Variants in BICD1 observed in about 807,000 individuals in gnomAD.
BICD1 encodes BICD cargo adaptor 1, also known as protein bicaudal D homolog 1.
BICD1 carries 35 observed loss-of-function variants against 92.5 expected under a neutral mutation model. The ratio of observed to expected loss-of-function variants is 0.38; its 90% CI spans 0.29 to 0.50. BICD1 has a LOEUF of 0.50. Ranked by LOEUF, BICD1 falls within the 20% of genes least tolerant of loss-of-function variation. The probability of loss-of-function intolerance (pLI) is 0.93; values close to 1 mark genes in which losing one functional copy is unlikely to be tolerated. For synonymous variants in BICD1, 429 were observed against 465.1 expected (o/e 0.92, Z 1.00); for missense variants, 950 against 1,189.8 (o/e 0.80, Z 2.97).
At chr12:32,368,597 A>G (rs1349069029) in intron 9 of BICD1, among the ~76,000 whole-genome samples, 1 of 152,206 alleles carries the variant, frequency 6.6e-6, no homozygotes, top group Non-Finnish European at 1.5e-5. Context: ...CAGGAGGCTG[A>G]GGCAGGAGAA....
intron 1 of BICD1, among the ~76,000 whole-genome samples, chr12:32,154,920 CT>C (rs749601499): frequency 2.0e-5 from 3 of 152,102 alleles, no homozygotes; most frequent in Non-Finnish European, 2.9e-5. Flanking sequence ...AAAATGATCC[CT>C]CGTCAGTTTT....
At chr12:32,258,071 A>G (rs1049101156) in intron 2 of BICD1, among the ~76,000 whole-genome samples, 5 of 152,206 alleles carry the variant, frequency 3.3e-5, no homozygotes, top group Non-Finnish European at 7.3e-5. Flanking sequence ...ATTGCAGCAG[A>G]GTATGCTTGT....
chr12:32,148,967 C>A (rs1278916720), intron 1 of BICD1, among the ~76,000 whole-genome samples: 1 of 151,114 alleles, frequency 6.6e-6, no homozygotes, highest in African/African-American at 2.4e-5. Flanking sequence ...TTACAGTGAG[C>A]CGAGATCACG....
chr12:32,143,840 A>T (rs1943027187), intron 1 of BICD1, among the ~76,000 whole-genome samples: 1 of 152,190 alleles, frequency 6.6e-6, no homozygotes, highest in South Asian at 2.1e-4. Context: ...TGGGTGTATA[A>T]TGGTATCCTA....
chr12:32,135,718 C>CT (rs1942714794), intron 1 of BICD1, among the ~76,000 whole-genome samples: 1 of 152,210 alleles, frequency 6.6e-6, no homozygotes, highest in African/African-American at 2.4e-5. Context: ...GCGTGAATCT[C>CT]TAATTCACCA....
intron 3 of BICD1, among the ~76,000 whole-genome samples, chr12:32,305,390 G>C (rs1428346434): frequency 6.6e-6 from 1 of 151,636 alleles, no homozygotes; most frequent in Non-Finnish European, 1.5e-5. Context: ...TAAGACAATA[G>C]ACTCTTCATC....
chr12:32,370,035 C>T (rs1055576682), intron 9 of BICD1, among the ~76,000 whole-genome samples: 16 of 152,138 alleles, frequency 1.1e-4, no homozygotes, highest in Non-Finnish European at 1.8e-4. Context: ...AAAGGTTTTT[C>T]GCTAATGCCA....
chr12:32,162,748 C>T (rs12423607), intron 1 of BICD1, among the ~76,000 whole-genome samples: 94 of 152,046 alleles, frequency 6.2e-4, no homozygotes, highest in African/African-American at 2.1e-3. Flanking sequence ...TTTGGCAGAC[C>T]GAGGCAGGAG....
rs1005479686 is a variant in BICD1 at position 32,378,647 on chromosome 12, A to G, written c.*1020A>G. The G allele has an allele frequency of 6.6e-6, 1 of 152,200 alleles. No individual in the cohort carries two copies. The highest frequency in any genetic ancestry group is 1.5e-5 in the Non-Finnish European group (1 of 68,028). 9.4% of individuals were successfully genotyped at this position (152,200 alleles called of 1,614,324 possible). A position where few individuals can be genotyped will look rare whatever the true frequency, so the allele number is the denominator to read the frequency against. On this transcript the variant is annotated 3_prime_UTR_variant, in exon 10 of 10. Transcript: ENST00000652176. ...TACAAATGGGAAAATATATACATAT[A>G]TAGATGTAAGATAGCCTTTAATTAA...
chr12:32,314,197 G>GTT (rs1948444752), intron 4 of BICD1, among the ~76,000 whole-genome samples: 2 of 152,062 alleles, frequency 1.3e-5, no homozygotes, highest in South Asian at 4.1e-4. Context: ...TTAGTTGTTT[G>GTT]TTTTTTTAGC....
intron 2 of BICD1, among the ~76,000 whole-genome samples, chr12:32,236,795 C>T (rs916340662): frequency 9.3e-5 from 14 of 150,980 alleles, no homozygotes; most frequent in Non-Finnish European, 1.5e-4. Flanking sequence ...GCCTCATTGC[C>T]GATATGCAGA....
chr12:32,154,617 C>T (rs11051820), intron 1 of BICD1, among the ~76,000 whole-genome samples: 49,840 of 152,000 alleles, frequency 0.33, 8,687 homozygotes, highest in Admixed American at 0.49. Flanking sequence ...CCTTGAGAAC[C>T]ACCTTTTCCA....
intron 2 of BICD1, among the ~76,000 whole-genome samples, chr12:32,265,547 GAAA>G (rs11341415): frequency 5.5e-4 from 69 of 125,742 alleles, no homozygotes; most frequent in Non-Finnish European, 8.9e-4. Context: ...CGTTTCTACA[GAAA>G]AAAAAAAAAA....
At position 32,222,057 on chromosome 12, in the gene BICD1, A is replaced by C. The variant is rs185530980; in HGVS notation, c.426+5598A>C. Among the ~76,000 whole-genome samples, 978 of 152,362 alleles carry C rather than the reference A, an allele frequency of 6.4e-3. 12 individuals are homozygous for C. Among genetic ancestry groups the C allele is most frequent in the African/African-American group, 0.022 (922 of 41,584 alleles). ...ATCCACATTAATGAAATCATAAAAT[A>C]GGATAATGAAACTTAATACTACTTA... On this transcript the variant is annotated intron_variant, in intron 2 of 9. Coordinates refer to ENST00000652176, the MANE Select transcript of BICD1 (RefSeq NM_001714.4).
rs529301095 is a variant in BICD1 at position 32,299,501 on chromosome 12, A to G, written c.579+5355A>G. The stretch of plus-strand genomic sequence containing the variant: ...CCTTTTCCCAGGCGGAGAAACATGA[A>G]ACAGCTGGGTGAATAGTAGGAGCTT... On this transcript the variant is annotated intron_variant, in intron 3 of 9. Coordinates refer to ENST00000652176, the MANE Select transcript of BICD1 (RefSeq NM_001714.4). Among the ~76,000 whole-genome samples, 5 of 152,296 alleles carry G rather than the reference A, an allele frequency of 3.3e-5. No homozygotes were observed. The South Asian group carries it at 1.0e-3, about 32-fold the overall frequency.
At chr12:32,127,857 A>T (rs1196984503) in intron 1 of BICD1, among the ~76,000 whole-genome samples, 1 of 151,668 alleles carries the variant, frequency 6.6e-6, no homozygotes, top group Non-Finnish European at 1.5e-5. Context: ...AGGGAACTCA[A>T]TTGTCTAATT....
At chr12:32,153,530 G>A (rs1264843296) in intron 1 of BICD1, among the ~76,000 whole-genome samples, 1 of 152,132 alleles carries the variant, frequency 6.6e-6, no homozygotes, top group South Asian at 2.1e-4. Flanking sequence ...GCCAAGGCGG[G>A]TGGATCACTG....
intron 2 of BICD1, among the ~76,000 whole-genome samples, chr12:32,272,769 T>A (rs1052559443): frequency 8.5e-5 from 13 of 152,224 alleles, no homozygotes; most frequent in Non-Finnish European, 1.9e-4. Context: ...TAAAACATTT[T>A]TAAAAATCAA....
intron 1 of BICD1, among the ~76,000 whole-genome samples, chr12:32,115,184 C>T (rs963755826): frequency 6.6e-6 from 1 of 152,202 alleles, no homozygotes; most frequent in Middle Eastern, 3.4e-3. Context: ...CAAGAGTTTG[C>T]TTTTTAAGAA....
Sources: allele counts gnomAD v4.1 joint callset (sites outside exome capture counted in the v4.1 genomes callset), GRCh38; gene constraint gnomAD v4.1.1; transcripts MANE v1.5; gene names NCBI Gene and HGNC (gene_info 2026-07-23, HGNC 2026-07-21).